The following OIP5 variants were observed in gnomAD, a reference collection of about 807,000 sequenced individuals.
OIP5 encodes the protein Opa interacting protein 5, also known as protein Mis18-beta.
Under a neutral mutation model 20.3 loss-of-function variants are expected in OIP5, and 24 were observed. That is an observed-to-expected ratio of 1.18 (90% CI 0.86 to 1.66). The LOEUF is 1.66. OIP5 is among the 40% of genes most tolerant of loss of function. The pLI, the probability that OIP5 is intolerant of heterozygous loss-of-function variation, is 0.00. For synonymous variants in OIP5, 143 were observed against 121.3 expected, an observed-to-expected ratio of 1.18 and a Z score of -1.17; for missense variants, 339 against 289.5, an observed-to-expected ratio of 1.17 and a Z score of -1.24.
chr15:41,331,294 G>C (rs1450167486), intron 2 of OIP5, among the ~76,000 whole-genome samples: 1 of 152,204 alleles, frequency 6.6e-6, no homozygotes, highest in East Asian at 1.9e-4. Flanking sequence ...TAACATTCTA[G>C]TTGTGTTTTT....
intron 3 of OIP5, among the ~76,000 whole-genome samples, chr15:41,317,647 T>C (rs2047796377): frequency 6.6e-6 from 1 of 152,094 alleles, no homozygotes; most frequent in South Asian, 2.1e-4. Flanking sequence ...CCCAAAGTAC[T>C]GGGGTTACAG....
At chr15:41,329,186 G>C (rs2047881536) in intron 2 of OIP5, among the ~76,000 whole-genome samples, 1 of 151,196 alleles carries the variant, frequency 6.6e-6, no homozygotes, top group Non-Finnish European at 1.5e-5. Flanking sequence ...ACCCCATCTA[G>C]GTAATGAACC....
chr15:41,321,364 C>T (rs1192525551), intron 2 of OIP5, among the ~76,000 whole-genome samples: 1 of 151,998 alleles, frequency 6.6e-6, no homozygotes, highest in East Asian at 1.9e-4. Flanking sequence ...CTCTGCCCGG[C>T]CGCCCCTACT....
intron 2 of OIP5, among the ~76,000 whole-genome samples, chr15:41,322,850 G>T (rs1004864981): frequency 6.6e-6 from 1 of 151,908 alleles, no homozygotes; most frequent in Non-Finnish European, 1.5e-5. Context: ...CAGGAGAATC[G>T]CTTGAACCTG....
chr15:41,313,483 CATG>C (rs2047771967), intron 3 of OIP5, 129 bp from the exon 4 acceptor site: 1 of 588,332 alleles, frequency 1.7e-6, no homozygotes, highest in East Asian at 2.9e-5. Flanking sequence ...TTTCAAGACT[CATG>C]ATGTTACAGT....
intron 4 of OIP5, among the ~76,000 whole-genome samples, chr15:41,310,573 G>A (rs1337487924): frequency 1.3e-5 from 2 of 150,870 alleles, no homozygotes; most frequent in Non-Finnish European, 2.9e-5. Flanking sequence ...AGCTTGCAGT[G>A]AGCCAAGATC....
intron 4 of OIP5, 41 bp downstream of exon 4, chr15:41,313,232 T>C: frequency 8.4e-7 from 1 of 1,189,494 alleles, no homozygotes; most frequent in Non-Finnish European, 1.2e-6. Context: ...TCAAGAGTTG[T>C]CTGTATTTTA....
intron 2 of OIP5, among the ~76,000 whole-genome samples, chr15:41,329,990 C>A (rs1011551560): frequency 2.0e-5 from 3 of 152,126 alleles, no homozygotes; most frequent in African/African-American, 7.2e-5. Flanking sequence ...AGCCACGGCG[C>A]CTGGCCTAAT....
intron 2 of OIP5, among the ~76,000 whole-genome samples, chr15:41,327,341 C>A (rs555998601): frequency 6.6e-6 from 1 of 151,984 alleles, no homozygotes; most frequent in South Asian, 2.1e-4. Flanking sequence ...ACCACCACGC[C>A]CAGCAAATTT....
In OIP5 at chr15:41,332,251, A is replaced by C. The variant is rs2047935064; in HGVS notation, c.311T>G (p.Val104Gly). The part of the protein sequence containing the change: ...AWDLSRSLGA[V>G]VFSRVTNNVV... ...TTCACTGCACTCACTGGAGAAGACCACGGCCCCGAGGGACCGCGACAGGTC... is the reference window on the plus strand; with the variant it reads ...TTCACTGCACTCACTGGAGAAGACCCCGGCCCCGAGGGACCGCGACAGGTC... Residue 104 changes from valine (V) to glycine (G), a missense_variant, in exon 1 of 5, where the codon GTG becomes GGG. By Grantham distance (109) the Val-to-Gly change is moderately radical. Transcript: ENST00000220514. 1.3e-6 allele frequency: 2 copies of C among 1,546,092 alleles called. No individual in the cohort carries two copies. Among genetic ancestry groups the C allele is most frequent in the Non-Finnish European group, 1.7e-6 (2 of 1,148,098 alleles).
intron 2 of OIP5, among the ~76,000 whole-genome samples, chr15:41,326,627 T>G (rs939684063): frequency 4.6e-5 from 7 of 152,194 alleles, no homozygotes; most frequent in African/African-American, 1.7e-4. Flanking sequence ...GGTTTCCCCG[T>G]GTTGGCCAGG....
chr15:41,329,469 C>A lies in OIP5; in HGVS notation c.389+2446G>T, dbSNP rs564344851. Reference sequence around the variant, plus strand: ...TAGCTGGGACTATAGGCGCTTGCCACCTCGCCCCCCTAATTTTTGTACTTT... The same window carrying A: ...TAGCTGGGACTATAGGCGCTTGCCAACTCGCCCCCCTAATTTTTGTACTTT... On this transcript the variant is annotated intron_variant, in intron 2 of 4. Coordinates refer to ENST00000220514, the MANE Select transcript of OIP5 (RefSeq NM_007280.2). 6.7e-4 allele frequency among the ~76,000 whole-genome samples: 102 copies of A among 151,972 alleles called. 1 individual carries two copies. The South Asian group carries it at 0.02, about 30-fold the overall frequency.
chr15:41,315,026 C>T (rs1366940844), intron 3 of OIP5, among the ~76,000 whole-genome samples: 1 of 149,072 alleles, frequency 6.7e-6, no homozygotes, highest in Admixed American at 6.8e-5. Context: ...TTGGGAGGAT[C>T]ACCTGAACCC....
At chr15:41,318,441 C>G (rs1020434657) in intron 3 of OIP5, among the ~76,000 whole-genome samples, 1 of 151,762 alleles carries the variant, frequency 6.6e-6, no homozygotes, top group East Asian at 1.9e-4. Flanking sequence ...GGATTACAGG[C>G]GTGAGCCACT....
At chr15:41,321,246 A>G (rs1264940761) in intron 2 of OIP5, among the ~76,000 whole-genome samples, 1 of 125,964 alleles carries the variant, frequency 7.9e-6, no homozygotes, top group African/African-American at 3.1e-5. Flanking sequence ...TCCGGGAGGG[A>G]GGTGGGGTGG....
At chr15:41,309,913 G>A (rs775595534) in intron 4 of OIP5, 64 bp from the exon 5 acceptor site, 2 of 1,151,882 alleles carry the variant, frequency 1.7e-6, no homozygotes, top group Non-Finnish European at 2.5e-6. Context: ...TTAAGAGACA[G>A]GGTCTCACTC....
chr15:41,324,847 G>A (rs1567027252), intron 2 of OIP5, among the ~76,000 whole-genome samples: 1 of 152,006 alleles, frequency 6.6e-6, no homozygotes, highest in Non-Finnish European at 1.5e-5. Flanking sequence ...TCCTCACTAA[G>A]CTTAATCATT....
At chr15:41,321,329 G>A (rs1436072171) in intron 2 of OIP5, among the ~76,000 whole-genome samples, 20 of 148,308 alleles carry the variant, frequency 1.3e-4, no homozygotes, top group Non-Finnish European at 1.9e-4. Flanking sequence ...CCGGCCAGCC[G>A]CCCCGTCCGC....
At chr15:41,320,738 C>G (rs576693469) in intron 2 of OIP5, among the ~76,000 whole-genome samples, 1 of 152,206 alleles carries the variant, frequency 6.6e-6, no homozygotes, top group Admixed American at 6.5e-5. Context: ...CTCTGCCTGG[C>G]CACCCATCGT....
Sources: gnomAD v4.1 joint callset for allele counts (sites outside exome capture counted in the v4.1 genomes callset) on GRCh38, gnomAD v4.1.1 for gene constraint, MANE v1.5 for transcripts, NCBI Gene and HGNC (gene_info 2026-07-23, HGNC 2026-07-21) for gene names.